Variants in RASSF4 observed in about 807,000 individuals in gnomAD.
RASSF4 encodes the protein ras association domain-containing protein 4.
A neutral mutation model predicts 41.1 loss-of-function variants in RASSF4; 38 were observed. The observed-to-expected ratio is 0.92, with a 90% confidence interval of 0.71 to 1.21. The LOEUF (loss-of-function observed/expected upper bound fraction) is 1.21. Among genes scored for constraint, RASSF4 ranks in the 50% most tolerant of loss-of-function variants. The probability of loss-of-function intolerance (pLI) is 0.00; values close to 1 mark genes in which losing one functional copy is unlikely to be tolerated. For synonymous variants in RASSF4, 179 were observed against 163.4 expected, an observed-to-expected ratio of 1.10 and a Z score of -0.73; for missense variants, 414 against 419.4, an observed-to-expected ratio of 0.99 and a Z score of 0.11.
At chr10:44,982,829 C>A in intron 4 of RASSF4, 166 bp downstream of exon 4, 1 of 774,822 alleles carries the variant, frequency 1.3e-6, no homozygotes, top group Non-Finnish European at 2.2e-6. Context: ...CAGCCTCGCC[C>A]AGGGTGGCCT....
chr10:44,980,921 A>AG (rs1414705739), intron 3 of RASSF4: 4 of 152,302 alleles, frequency 2.6e-5, no homozygotes, highest in African/African-American at 9.6e-5. Flanking sequence ...GTGCTTGTAG[A>AG]GCACCAGTGA....
chr10:44,975,560 T>G (rs1369735966), intron 3 of RASSF4, among the ~76,000 whole-genome samples: 1 of 94,376 alleles, frequency 1.1e-5, no homozygotes. Flanking sequence ...CCACCTCCAC[T>G]CCCCTCTCTA....
Position 44,970,263 on chromosome 10 carries a change from AAGTAAGC to A in RASSF4, c.62_62+6del. On this transcript the variant is annotated splice_donor_variant and splice_donor_5th_base_variant and coding_sequence_variant and intron_variant, in exon 2 of 11. Coordinates refer to ENST00000340258, the MANE Select transcript of RASSF4 (RefSeq NM_032023.4). LOFTEE classifies it high-confidence loss of function. ...CATCAGTGACAGCAAGTCCATTCAG[AAGTAAGC>A]CTTGGTGTGCAGGTTGGGCGGGGGA... 6.2e-7 allele frequency: 1 copy of A among 1,613,638 alleles called. No homozygotes were observed. The highest frequency in any genetic ancestry group is 8.5e-7 in the Non-Finnish European group (1 of 1,179,544).
chr10:44,995,878 G>A lies in RASSF4; in HGVS notation c.*2549G>A, dbSNP rs922033956. On this transcript the variant is annotated 3_prime_UTR_variant, in exon 11 of 11. Transcript: ENST00000340258. Reference sequence around the variant, plus strand: ...AGTGTCTCAGGTAATAAACGTATCCGAAGATAAAGCAAAGATTGCTATGGG... The same window carrying A: ...AGTGTCTCAGGTAATAAACGTATCCAAAGATAAAGCAAAGATTGCTATGGG... 1.3e-5 allele frequency: 2 copies of A among 152,154 alleles called. No individual in the cohort carries two copies. Among genetic ancestry groups the A allele is most frequent in the Non-Finnish European group, 2.9e-5 (2 of 68,034 alleles). The allele number at this position is 152,154 out of a possible 1,614,324, so 9.4% of individuals were successfully genotyped here. A position where few individuals can be genotyped will look rare whatever the true frequency, so the allele number is the denominator to read the frequency against.
intron 1 of RASSF4, among the ~76,000 whole-genome samples, chr10:44,967,764 C>T (rs1564451144): frequency 6.6e-6 from 1 of 152,104 alleles, no homozygotes; most frequent in Non-Finnish European, 1.5e-5. Flanking sequence ...TAAAGCACCC[C>T]CCGCCCTCAC....
intron 2 of RASSF4, chr10:44,971,561 G>A (rs780783297): frequency 8.8e-6 from 6 of 679,044 alleles, no homozygotes; most frequent in Non-Finnish European, 1.6e-5. Context: ...CTCCTCCTCA[G>A]CCCGACCCCC....
chr10:44,988,801 C>G (rs768688042), intron 6 of RASSF4, among the ~76,000 whole-genome samples: 155 of 152,260 alleles, frequency 1.0e-3, no homozygotes, highest in Middle Eastern at 3.4e-3. Flanking sequence ...GCGGTGCAGA[C>G]TACGGATTAG....
chr10:44,969,408 GTGGGCTTGAGATTACC>G (rs1841052204), intron 1 of RASSF4, among the ~76,000 whole-genome samples: 1 of 152,094 alleles, frequency 6.6e-6, no homozygotes, highest in Non-Finnish European at 1.5e-5. Context: ...TAATGATCCT[GTGGGCTTGAGATTACC>G]TTGTTGCACA....
chr10:44,985,684 G>A (rs1334362587), intron 6 of RASSF4, among the ~76,000 whole-genome samples: 3 of 152,190 alleles, frequency 2.0e-5, no homozygotes, highest in Non-Finnish European at 4.4e-5. Flanking sequence ...GAGGGTCTCA[G>A]GGTCCGATCT....
chr10:44,984,486 T>A (rs1841842167), intron 5 of RASSF4: 1 of 486,412 alleles, frequency 2.1e-6, no homozygotes, highest in Non-Finnish European at 3.7e-6. Context: ...TTATTCCCCT[T>A]CCTTTAGCCC....
chr10:44,985,405 C>G lies in RASSF4; in HGVS notation c.531+435C>G, dbSNP rs908397264. Reference sequence around the variant, plus strand: ...ACGACCCCAGATTCCCAGCACACAGCCTTTTGTCCAAGGATGCATTGTACT... The same window carrying G: ...ACGACCCCAGATTCCCAGCACACAGGCTTTTGTCCAAGGATGCATTGTACT... On this transcript the variant is annotated intron_variant, in intron 6 of 10. Transcript: ENST00000340258. Among the ~76,000 whole-genome samples, 7 of 152,318 alleles carry G rather than the reference C, an allele frequency of 4.6e-5. No individual in the cohort carries two copies. The South Asian group carries it at 6.2e-4, about 14-fold the overall frequency.
At chr10:44,984,994 C>G (rs1412085342) in intron 6 of RASSF4, 24 bp downstream of exon 6, 2 of 1,598,396 alleles carry the variant, frequency 1.3e-6, no homozygotes, top group African/African-American at 2.7e-5. Flanking sequence ...CTGGCCTCTC[C>G]CCTGGGCGCA....
intron 1 of RASSF4, among the ~76,000 whole-genome samples, chr10:44,969,450 G>A (rs964952705): frequency 1.3e-5 from 2 of 152,184 alleles, no homozygotes; most frequent in African/African-American, 4.8e-5. Context: ...GGAAAGGAAG[G>A]TTTGGGAGTT....
chr10:44,972,132 C>T (rs567484652), intron 3 of RASSF4, among the ~76,000 whole-genome samples: 2 of 152,260 alleles, frequency 1.3e-5, no homozygotes, highest in South Asian at 2.1e-4. Context: ...CCCCTTCCCC[C>T]GAGACCTTTG....
At chr10:44,977,618 T>C (rs1423357057) in intron 3 of RASSF4, 3 of 1,613,008 alleles carry the variant, frequency 1.9e-6, no homozygotes, top group African/African-American at 1.3e-5. Flanking sequence ...GCTGTCCATC[T>C]GTCTATGTGG....
Position 44,970,175 on chromosome 10 carries a change from C to G in RASSF4, c.-28C>G, listed in dbSNP as rs201416516. 120 of 1,606,566 alleles carry G rather than the reference C, an allele frequency of 7.5e-5. No homozygotes were observed. Among genetic ancestry groups the G allele is most frequent in the Admixed American group, 1.5e-4 (9 of 59,986 alleles). On this transcript the variant is annotated 5_prime_UTR_variant, in exon 2 of 11. Transcript: ENST00000340258. Reference sequence around the variant, plus strand: ...TCCTTGTCTTCCCAGCAAGTAACTTCTAGGTCTGCAGACAAGAGGAAGAGA... The same window carrying G: ...TCCTTGTCTTCCCAGCAAGTAACTTGTAGGTCTGCAGACAAGAGGAAGAGA...
intron 3 of RASSF4, chr10:44,978,528 G>A (rs12251910): frequency 0.023 from 3,561 of 152,902 alleles, 139 homozygotes; most frequent in African/African-American, 0.08. Context: ...CCATAGGGAG[G>A]CTGTGCAAGT....
At position 44,984,895 on chromosome 10, in the gene RASSF4, G is replaced by A. The variant is rs1323910511; in HGVS notation, c.456G>A (p.Lys152=). ...GTTGCATGAGCCAGAGGAGGCCCAA[G>A]TGCCGCGCCCCCGGTGAGGCCCAGC... ...DASCMSQRRP[K]CRAPGEAQRI... The change falls in exon 6 of 11, where the codon AAG becomes AAA. Residue 152 remains lysine, a synonymous_variant. Transcript: ENST00000340258. 1.9e-6 allele frequency: 3 copies of A among 1,613,600 alleles called. No homozygotes were observed. The highest frequency in any genetic ancestry group is 2.2e-5 in the South Asian group (2 of 91,088).
intron 4 of RASSF4, 63 bp downstream of exon 4, chr10:44,982,726 G>A (rs1028212674): frequency 3.8e-5 from 59 of 1,553,002 alleles, no homozygotes; most frequent in Non-Finnish European, 4.9e-5. Flanking sequence ...GGGATATCCC[G>A]AGCCTCAGGG....
Sources: allele counts gnomAD v4.1 joint callset (sites outside exome capture counted in the v4.1 genomes callset), GRCh38; gene constraint gnomAD v4.1.1; transcripts MANE v1.5; gene names NCBI Gene and HGNC (gene_info 2026-07-23, HGNC 2026-07-21).